ODR4: variants seen among roughly 807,000 people sequenced by gnomAD.
ODR4 encodes the protein protein odr-4 homolog.
ODR4 carries 47 observed loss-of-function variants against 60.2 expected under a neutral mutation model. The ratio of observed to expected loss-of-function variants is 0.78; its 90% CI spans 0.62 to 1.00. The LOEUF (loss-of-function observed/expected upper bound fraction) is 1.00. Ranked by LOEUF, ODR4 falls within the 50% of genes least tolerant of loss-of-function variation. The probability of loss-of-function intolerance (pLI) is 0.00; values close to 1 mark genes in which losing one functional copy is unlikely to be tolerated. For missense variants in ODR4, 488 were observed against 530.8 expected (o/e 0.92, Z 0.79); for synonymous variants, 178 against 175.5 (o/e 1.01, Z -0.11).
At chr1:186,402,435 T>C (rs1194084014) in intron 11 of ODR4, among the ~76,000 whole-genome samples, 1 of 151,590 alleles carries the variant, frequency 6.6e-6, no homozygotes, top group African/African-American at 2.4e-5. Context: ...GGTCTCTCTC[T>C]GTCACCCAGC....
chr1:186,382,331 G>A (rs1333435569), intron 2 of ODR4, among the ~76,000 whole-genome samples: 1 of 151,918 alleles, frequency 6.6e-6, no homozygotes, highest in African/African-American at 2.4e-5. Flanking sequence ...ACTACTTGGG[G>A]GGAGGATTGC....
chr1:186,377,621 AC>A (rs1659836237), intron 1 of ODR4, among the ~76,000 whole-genome samples: 1 of 152,222 alleles, frequency 6.6e-6, no homozygotes, highest in Admixed American at 6.5e-5. Context: ...AGAATTGCAT[AC>A]CTTAAGGCAT....
At chr1:186,383,678 G>GATAT (rs60229243) in intron 3 of ODR4, among the ~76,000 whole-genome samples, 7,342 of 140,696 alleles carry the variant, frequency 0.052, 519 homozygotes, top group African/African-American at 0.16. Context: ...TGTGTATGTA[G>GATAT]ATATATATAT....
chr1:186,417,675 T>C, intron 13 of ODR4, 21 bp downstream of exon 13: 1 of 1,198,804 alleles, frequency 8.3e-7, no homozygotes, highest in Non-Finnish European at 1.2e-6. Flanking sequence ...TTACTTCTTT[T>C]ATAACACTGA....
intron 12 of ODR4, among the ~76,000 whole-genome samples, chr1:186,412,972 T>C (rs572966972): frequency 6.6e-6 from 1 of 152,234 alleles, no homozygotes; most frequent in South Asian, 2.1e-4. Flanking sequence ...TATTTGAAAT[T>C]AGAGTTTCCA....
At chr1:186,390,304 T>G (rs1408634173) in intron 6 of ODR4, among the ~76,000 whole-genome samples, 1 of 152,198 alleles carries the variant, frequency 6.6e-6, no homozygotes, top group African/African-American at 2.4e-5. Flanking sequence ...TGTGAAAAAG[T>G]AACTTTGCAG....
chr1:186,411,892 AG>A (rs1306310502), intron 12 of ODR4: 1 of 917,312 alleles, frequency 1.1e-6, no homozygotes, highest in Non-Finnish European at 1.3e-6. Context: ...TGGAAAGTTT[AG>A]GTGTGTATAC....
At chr1:186,378,631 C>T (rs1392912079) in intron 1 of ODR4, among the ~76,000 whole-genome samples, 2 of 152,154 alleles carry the variant, frequency 1.3e-5, no homozygotes, top group Admixed American at 6.5e-5. Context: ...TCATTATGAG[C>T]GTGGTGTTGA....
the ODR4 span, among the ~76,000 whole-genome samples, chr1:186,431,759 A>G: frequency 6.6e-6 from 1 of 152,188 alleles, no homozygotes; most frequent in Non-Finnish European, 1.5e-5. Context: ...GGCAGATTTC[A>G]GTAATGGCAA....
At chr1:186,389,436 A>G (rs980888594) in intron 5 of ODR4, among the ~76,000 whole-genome samples, 152 bp from the exon 6 acceptor site, 3 of 152,212 alleles carry the variant, frequency 2.0e-5, no homozygotes. Context: ...ATATATGCAC[A>G]CATGTACATA....
chr1:186,384,143 G>C (rs1274588528), intron 3 of ODR4, among the ~76,000 whole-genome samples: 1 of 152,164 alleles, frequency 6.6e-6, no homozygotes, highest in Non-Finnish European at 1.5e-5. Context: ...AAGAAAAAAA[G>C]GCCTGTTTGG....
At chr1:186,399,959 ACAT>A (rs1488211989) in intron 11 of ODR4, among the ~76,000 whole-genome samples, 4 of 151,234 alleles carry the variant, frequency 2.6e-5, no homozygotes, top group African/African-American at 9.7e-5. Flanking sequence ...TTTTAAAGCT[ACAT>A]CATCATCTCC....
At chr1:186,414,423 T>A (rs2102090032) in intron 12 of ODR4, among the ~76,000 whole-genome samples, 1 of 152,246 alleles carries the variant, frequency 6.6e-6, no homozygotes, top group Non-Finnish European at 1.5e-5. Context: ...AGTAATAAAT[T>A]TCCTATAGCA....
chr1:186,383,154 C>T lies in ODR4; in HGVS notation c.232C>T (p.Gln78Ter). 1 of 1,542,334 alleles carries T rather than the reference C, an allele frequency of 6.5e-7. No homozygotes were observed. Among genetic ancestry groups the T allele is most frequent in the Non-Finnish European group, 8.7e-7 (1 of 1,144,922 alleles). Reference sequence around the variant, plus strand: ...AGAATGGGCCACAGAACATGCCTGCCAGGTTATCTTATTTTTTTGTTTATA... The same window carrying T: ...AGAATGGGCCACAGAACATGCCTGCTAGGTTATCTTATTTTTTTGTTTATA... ...DEEWATEHAC[Q>*]VSRMLPGGLL... The change falls in exon 3 of 14, where the codon CAG becomes TAG. Residue 78 changes from glutamine (Q) to a stop codon, truncating the protein, a stop_gained and splice_region_variant. Transcript: ENST00000287859. LOFTEE classifies it high-confidence loss of function.
At position 186,418,907 on chromosome 1, in the gene ODR4, T is replaced by G. The variant is rs1450209043; in HGVS notation, c.1298-102T>G. 3 of 921,704 alleles carry G rather than the reference T, an allele frequency of 3.3e-6. No homozygotes were observed. The African/African-American group carries it at 4.9e-5, about 15-fold the overall frequency. The allele number at this position is 921,704 out of a possible 1,614,324, so 57.1% of individuals were successfully genotyped here. A position where few individuals can be genotyped will look rare whatever the true frequency, so the allele number is the denominator to read the frequency against. On this transcript the variant is annotated intron_variant, in intron 13 of 13. Coordinates refer to ENST00000287859, the MANE Select transcript of ODR4 (RefSeq NM_017847.6). ...GTATGATTGTGTGTTTGTGTATTGT[T>G]TTTTAGGCCCATCAGTTACCCACAT...
At chr1:186,416,855 CA>C (rs71104859) in intron 12 of ODR4, among the ~76,000 whole-genome samples, 14,032 of 85,536 alleles carry the variant, frequency 0.16, 479 homozygotes, top group African/African-American at 0.18. Context: ...GATTCTGTCT[CA>C]AAAAAAAAAA....
At chr1:186,430,132 TTTGA>T in the ODR4 span, among the ~76,000 whole-genome samples, 4 of 152,034 alleles carry the variant, frequency 2.6e-5, no homozygotes, top group African/African-American at 4.8e-5. Flanking sequence ...AGAAATAGAC[TTTGA>T]TTATTATTCA....
chr1:186,424,782 T>G (rs1661856616), downstream of ODR4, among the ~76,000 whole-genome samples: 1 of 152,008 alleles, frequency 6.6e-6, no homozygotes, highest in Admixed American at 6.6e-5. Context: ...TTGGAGTTCT[T>G]CCAGTCGTGG....
intron 12 of ODR4, among the ~76,000 whole-genome samples, chr1:186,406,795 T>C (rs751008451): frequency 2.0e-5 from 3 of 152,210 alleles, no homozygotes; most frequent in Non-Finnish European, 4.4e-5. Context: ...CTATCCAGGT[T>C]TTGTAACACA....
Sources: allele counts gnomAD v4.1 joint callset (sites outside exome capture counted in the v4.1 genomes callset), GRCh38; gene constraint gnomAD v4.1.1; transcripts MANE v1.5; gene names NCBI Gene and HGNC (gene_info 2026-07-23, HGNC 2026-07-21).